Variants in FSTL5 observed in about 807,000 individuals in gnomAD.
The protein encoded by FSTL5 is follistatin like 5, also known as follistatin-related protein 5.
A neutral mutation model predicts 89.1 loss-of-function variants in FSTL5; 62 were observed. The observed-to-expected ratio is 0.70, with a 90% CI of 0.57 to 0.86. The LOEUF is 0.86. Ranked by LOEUF, FSTL5 falls within the 40% of genes least tolerant of loss-of-function variation. The pLI, the probability that FSTL5 is intolerant of heterozygous loss-of-function variation, is 0.00. For synonymous variants in FSTL5, 383 were observed against 346.2 expected, an observed-to-expected ratio of 1.11 and a Z score of -1.18; for missense variants, 1,057 against 1,001.6, an observed-to-expected ratio of 1.06 and a Z score of -0.75.
At chr4:161,586,605 T>G (rs1266786142) in intron 8 of FSTL5, among the ~76,000 whole-genome samples, 18 of 152,254 alleles carry the variant, frequency 1.2e-4, no homozygotes, top group Admixed American at 1.2e-3. Context: ...AAAATAGTCT[T>G]TAAACTATTC....
At chr4:162,027,279 T>C (rs189287036) in intron 3 of FSTL5, among the ~76,000 whole-genome samples, 10 of 152,240 alleles carry the variant, frequency 6.6e-5, no homozygotes. Context: ...ATTACTTACA[T>C]TGAGATCTAT....
chr4:162,154,759 C>A lies in FSTL5; in HGVS notation c.-17+8856G>T, dbSNP rs945446586. Among the ~76,000 whole-genome samples, 16 of 151,944 alleles carry A rather than the reference C, an allele frequency of 1.1e-4. No homozygotes were observed. The East Asian group carries it at 2.5e-3, about 24-fold the overall frequency. ...TGCAAGCATAAAAAGAGAATAAAAT[C>A]CAATGTGGATCAATTAATTTATATA... On this transcript the variant is annotated intron_variant, in intron 1 of 15. Coordinates refer to ENST00000306100, the MANE Select transcript of FSTL5 (RefSeq NM_020116.5).
chr4:162,160,789 A>G (rs1426326042), intron 1 of FSTL5, among the ~76,000 whole-genome samples: 1 of 151,506 alleles, frequency 6.6e-6, no homozygotes. Flanking sequence ...TATGACTTGT[A>G]TTTTTCTATC....
At chr4:161,729,588 G>C (rs1739538157) in intron 6 of FSTL5, among the ~76,000 whole-genome samples, 1 of 152,126 alleles carries the variant, frequency 6.6e-6, no homozygotes, top group Non-Finnish European at 1.5e-5. Context: ...GTGGGTTAAA[G>C]ATTTGGAAGG....
At position 161,581,108 on chromosome 4, in the gene FSTL5, G is replaced by A. The variant is rs551317001; in HGVS notation, c.1015+6347C>T. Among the ~76,000 whole-genome samples, 10 of 152,034 alleles carry A rather than the reference G, an allele frequency of 6.6e-5. No homozygotes were observed. In the South Asian group the frequency reaches 1.9e-3, roughly 28 times the overall value. On this transcript the variant is annotated intron_variant, in intron 8 of 15. Coordinates refer to ENST00000306100, the MANE Select transcript of FSTL5 (RefSeq NM_020116.5). ...TAAAGAGTTGAAGAATATGAAGAAGGGAAACATATTCCCACCTGTCATCTT... is the reference window on the plus strand; with the variant it reads ...TAAAGAGTTGAAGAATATGAAGAAGAGAAACATATTCCCACCTGTCATCTT...
intron 3 of FSTL5, among the ~76,000 whole-genome samples, chr4:162,016,750 G>C (rs1006721457): frequency 1.4e-4 from 21 of 152,142 alleles, no homozygotes; most frequent in African/African-American, 5.1e-4. Flanking sequence ...CATCAGTATA[G>C]AACTTTGGAT....
intron 1 of FSTL5, among the ~76,000 whole-genome samples, chr4:162,115,236 A>G (rs1348630774): frequency 1.3e-5 from 2 of 152,220 alleles, no homozygotes; most frequent in Non-Finnish European, 2.9e-5. Flanking sequence ...ATCCAATTAT[A>G]TAGTTATCAA....
intron 4 of FSTL5, among the ~76,000 whole-genome samples, chr4:161,905,110 C>T (rs930695639): frequency 6.6e-6 from 1 of 152,000 alleles, no homozygotes; most frequent in East Asian, 1.9e-4. Context: ...TATGCTGTAA[C>T]AAACCTAAAA....
intron 4 of FSTL5, among the ~76,000 whole-genome samples, chr4:161,848,638 A>G (rs530327780): frequency 6.6e-6 from 1 of 152,292 alleles, no homozygotes; most frequent in African/African-American, 2.4e-5. Flanking sequence ...GAATAATTAG[A>G]AAAGCCCTAG....
intron 6 of FSTL5, among the ~76,000 whole-genome samples, chr4:161,679,783 A>C (rs143000106): frequency 6.6e-6 from 1 of 151,974 alleles, no homozygotes; most frequent in African/African-American, 2.4e-5. Context: ...AATTGATCAC[A>C]TACTATGTGC....
chr4:161,427,779 AAAC>A (rs1356621467), intron 15 of FSTL5, among the ~76,000 whole-genome samples: 10 of 152,188 alleles, frequency 6.6e-5, no homozygotes, highest in African/African-American at 2.4e-4. Context: ...TGGTACACAG[AAAC>A]AACAAATTAT....
At chr4:161,872,198 G>A (rs578258827) in intron 4 of FSTL5, among the ~76,000 whole-genome samples, 4 of 131,364 alleles carry the variant, frequency 3.0e-5, no homozygotes, top group South Asian at 4.8e-4. Context: ...GGCTGGTCTC[G>A]AACTCCTGGG....
intron 3 of FSTL5, among the ~76,000 whole-genome samples, chr4:161,942,644 T>C (rs950244960): frequency 6.6e-6 from 1 of 152,050 alleles, no homozygotes; most frequent in Non-Finnish European, 1.5e-5. Flanking sequence ...CCCTAACTCA[T>C]ACTATGAAGC....
At chr4:161,693,230 G>C (rs370035821) in intron 6 of FSTL5, among the ~76,000 whole-genome samples, 4 of 152,050 alleles carry the variant, frequency 2.6e-5, no homozygotes, top group African/African-American at 9.7e-5. Context: ...ATTTCCGTGC[G>C]TACATTCATA....
intron 8 of FSTL5, among the ~76,000 whole-genome samples, chr4:161,565,862 T>C (rs1286428721): frequency 6.6e-6 from 1 of 150,928 alleles, no homozygotes; most frequent in Admixed American, 6.7e-5. Flanking sequence ...TTGTGAATTG[T>C]GTTATGGTGA....
chr4:161,415,665 G>T (rs12508256), intron 15 of FSTL5, among the ~76,000 whole-genome samples: 43,439 of 140,652 alleles, frequency 0.31, 6,286 homozygotes, highest in East Asian at 0.44. Context: ...TATATATATA[G>T]AGAGAGAGAG....
At chr4:161,909,079 C>G (rs1015079151) in intron 4 of FSTL5, among the ~76,000 whole-genome samples, 2 of 152,064 alleles carry the variant, frequency 1.3e-5, no homozygotes, top group Non-Finnish European at 2.9e-5. Flanking sequence ...CAGTCCATTA[C>G]TAATGGTTTA....
chr4:161,730,564 C>A (rs1243753141), intron 6 of FSTL5, among the ~76,000 whole-genome samples: 1 of 151,920 alleles, frequency 6.6e-6, no homozygotes, highest in African/African-American at 2.4e-5. Flanking sequence ...AGTAAATGGC[C>A]TCTACTCTTC....
chr4:162,122,551 A>AT (rs1467905033), intron 1 of FSTL5, among the ~76,000 whole-genome samples: 2 of 152,160 alleles, frequency 1.3e-5, no homozygotes, highest in South Asian at 4.1e-4. Context: ...AACAGAAATA[A>AT]TCAGACTGAC....
Sources: allele counts gnomAD v4.1 joint callset (sites outside exome capture counted in the v4.1 genomes callset), GRCh38; gene constraint gnomAD v4.1.1; transcripts MANE v1.5; gene names NCBI Gene and HGNC (gene_info 2026-07-23, HGNC 2026-07-21).